The following IFT122 variants were observed in gnomAD, a reference collection of about 807,000 sequenced individuals.
IFT122 encodes the protein intraflagellar transport 122.
In IFT122, 118 loss-of-function variants were observed where a neutral mutation model predicts 161.6. That is an observed-to-expected ratio of 0.73 (90% CI 0.63 to 0.85). The LOEUF (loss-of-function observed/expected upper bound fraction) is 0.85, where lower values mean the gene tolerates loss of function less well. Among genes scored for constraint, IFT122 ranks in the 40% least tolerant of loss-of-function variants. The probability of loss-of-function intolerance (pLI) is 0.00; values close to 1 mark genes in which losing one functional copy is unlikely to be tolerated. For missense variants in IFT122, 1,381 were observed against 1,579.6 expected (o/e 0.87, Z 2.13); for synonymous variants, 550 against 602.4 (o/e 0.91, Z 1.27).
At chr3:129,443,888 A>G (rs952082660) in intron 1 of IFT122, among the ~76,000 whole-genome samples, 2 of 152,252 alleles carry the variant, frequency 1.3e-5, no homozygotes, top group African/African-American at 4.8e-5. Flanking sequence ...CAAATGAGAC[A>G]TTCAGAAATG....
At chr3:129,444,626 A>G (rs956462384) in intron 1 of IFT122, among the ~76,000 whole-genome samples, 7 of 151,784 alleles carry the variant, frequency 4.6e-5, no homozygotes, top group African/African-American at 1.7e-4. Context: ...GGTTCAAGCC[A>G]TTCTCCTGCC....
At chr3:129,505,447 T>C (rs1185445448) in intron 21 of IFT122, among the ~76,000 whole-genome samples, 3 of 152,222 alleles carry the variant, frequency 2.0e-5, no homozygotes, top group African/African-American at 4.8e-5. Context: ...CTTCAGCATT[T>C]CCAGAGCACC....
At position 129,520,386 on chromosome 3, in the gene IFT122, G is replaced by T. The variant is rs536919948; in HGVS notation, c.*121G>T. On this transcript the variant is annotated 3_prime_UTR_variant, in exon 30 of 30. Coordinates refer to ENST00000348417, the MANE Select transcript of IFT122 (RefSeq NM_052989.3). ...TGCCCAGATGAAGTTTGTGTTTTGT[G>T]GGGGGGGCCTTGTGTAACCACGGAA... 257 of 814,160 alleles carry T rather than the reference G, an allele frequency of 3.2e-4. No homozygotes were observed. Among genetic ancestry groups the T allele is most frequent in the African/African-American group, 5.1e-4 (30 of 59,190 alleles). 50.4% of individuals were successfully genotyped at this position (814,160 alleles called of 1,614,324 possible). A position where few individuals can be genotyped will look rare whatever the true frequency, so the allele number is the denominator to read the frequency against.
intron 17 of IFT122, among the ~76,000 whole-genome samples, chr3:129,492,974 C>A (rs865780750): frequency 6.6e-6 from 1 of 151,866 alleles, no homozygotes. Context: ...TGTGCCACCC[C>A]GCCTGATTAA....
chr3:129,480,525 C>T (rs1465944429), intron 13 of IFT122, among the ~76,000 whole-genome samples: 1 of 152,238 alleles, frequency 6.6e-6, no homozygotes, highest in Non-Finnish European at 1.5e-5. Context: ...CTGCATTAGC[C>T]TGACAGCCAA....
intron 15 of IFT122, among the ~76,000 whole-genome samples, chr3:129,485,001 AC>A (rs2079106334): frequency 6.7e-6 from 1 of 150,066 alleles, no homozygotes; most frequent in African/African-American, 2.5e-5. Context: ...TACAGCCAGC[AC>A]CCCTCCCTCC....
intron 3 of IFT122, 75 bp downstream of exon 3, chr3:129,452,073 A>G: frequency 8.7e-7 from 1 of 1,144,080 alleles, no homozygotes; most frequent in Non-Finnish European, 1.3e-6. Context: ...GTCACTTTTT[A>G]ATTATTTCTA....
chr3:129,483,382 T>C, intron 14 of IFT122, 103 bp from the exon 15 acceptor site: 1 of 962,290 alleles, frequency 1.0e-6, no homozygotes, highest in Middle Eastern at 2.1e-4. Context: ...CTGTAAGCAA[T>C]TTAGTGGGAT....
chr3:129,449,024 C>T (rs1410049959), intron 1 of IFT122, among the ~76,000 whole-genome samples: 3 of 152,178 alleles, frequency 2.0e-5, no homozygotes, highest in African/African-American at 7.2e-5. Context: ...ATGTTTGCAG[C>T]TCGATTTTTC....
At position 129,488,433 on chromosome 3, in the gene IFT122, C is replaced by T. The variant is rs768821659; in HGVS notation, c.1992+36C>T. Reference sequence around the variant, plus strand: ...AGCCAGCAGGAGCTGGAGTTTGGTCCTTGTGGGGTCCCTTAAGAAGGCAGA... The same window carrying T: ...AGCCAGCAGGAGCTGGAGTTTGGTCTTTGTGGGGTCCCTTAAGAAGGCAGA... On this transcript the variant is annotated intron_variant, in intron 16 of 29. Coordinates refer to ENST00000348417, the MANE Select transcript of IFT122 (RefSeq NM_052989.3). 4.3e-6 allele frequency: 7 copies of T among 1,613,722 alleles called. No individual in the cohort carries two copies. In the South Asian group the frequency reaches 4.4e-5, roughly 10 times the overall value.
In IFT122 at chr3:129,519,190, AGGGTGCCTCTCTGGGTGACCTGCAGGAG is replaced by A. The variant is rs762356612; in HGVS notation, c.3471+7_3471+34del. ...CACAGCTAAGCTGAGCTTTGAGGTGAGGGTGCCTCTCTGGGTGACCTGCAGGAGGGCAGCCTCCATCCCTTCTCCTGTG... is the reference window on the plus strand; with the variant it reads ...CACAGCTAAGCTGAGCTTTGAGGTGAGGCAGCCTCCATCCCTTCTCCTGTG... On this transcript the variant is annotated splice_donor_5th_base_variant and intron_variant, in intron 28 of 29. Transcript: ENST00000348417. The A allele has an allele frequency of 2.2e-5, 35 of 1,613,494 alleles. No individual in the cohort carries two copies. In the South Asian group the frequency reaches 3.7e-4, roughly 17 times the overall value.
At chr3:129,507,053 G>A (rs1318414370) in intron 22 of IFT122, among the ~76,000 whole-genome samples, 1 of 152,166 alleles carries the variant, frequency 6.6e-6, no homozygotes, top group Admixed American at 6.5e-5. Context: ...ATGCAGGGGT[G>A]GGAAAAACAC....
chr3:129,469,501 TATC>T, intron 9 of IFT122, 84 bp downstream of exon 9: 1 of 1,072,718 alleles, frequency 9.3e-7, no homozygotes, highest in Non-Finnish European at 1.4e-6. Flanking sequence ...AATTATACAT[TATC>T]ATTGTTAGTT....
intron 1 of IFT122, among the ~76,000 whole-genome samples, chr3:129,447,152 T>G (rs2074110420): frequency 6.6e-6 from 1 of 152,170 alleles, no homozygotes; most frequent in Non-Finnish European, 1.5e-5. Flanking sequence ...CTGCAAAATA[T>G]TTTAAGAGAT....
Position 129,478,145 on chromosome 3 carries a change from T to C in IFT122, c.1277T>C (p.Val426Ala), listed in dbSNP as rs1171004296. Reference sequence around the variant, plus strand: ...GACTTATCAGACATGCATTACCGGGTAAAGGAGAAGATTATCAAGAAGTTT... The same window carrying C: ...GACTTATCAGACATGCATTACCGGGCAAAGGAGAAGATTATCAAGAAGTTT... Reference protein sequence around the residue: ...SEDLSDMHYRVKEKIIKKFEC... With the variant: ...SEDLSDMHYRAKEKIIKKFEC... Residue 426 changes from valine (V) to alanine (A), a missense_variant, in exon 12 of 30, where the codon GTA (valine) becomes GCA (alanine). By Grantham distance (64) the Val-to-Ala change is moderately conservative. This residue lies in a region of IFT122 where 544 missense variants were observed against 648.0 expected (regional missense o/e 0.84). Coordinates refer to ENST00000348417, the MANE Select transcript of IFT122 (RefSeq NM_052989.3). 3.7e-6 allele frequency: 6 copies of C among 1,614,134 alleles called. No homozygotes were observed. The South Asian group carries it at 6.6e-5, about 18-fold the overall frequency.
chr3:129,500,414 A>G (rs1427309654), intron 19 of IFT122, among the ~76,000 whole-genome samples: 1 of 152,254 alleles, frequency 6.6e-6, no homozygotes, highest in Non-Finnish European at 1.5e-5. Context: ...CACCTTGCAG[A>G]TGATGAAACA....
intron 4 of IFT122, among the ~76,000 whole-genome samples, chr3:129,460,223 C>T (rs1000683822): frequency 2.0e-5 from 3 of 152,184 alleles, no homozygotes; most frequent in African/African-American, 7.2e-5. Flanking sequence ...ACCCTTCTCT[C>T]CTACCCCCAG....
chr3:129,519,036 G>A (rs1051951055), intron 27 of IFT122, 71 bp from the exon 28 acceptor site: 1 of 1,306,998 alleles, frequency 7.7e-7, no homozygotes, highest in East Asian at 2.3e-5. Context: ...CTTCTCACAG[G>A]GGTGTAGGGT....
Position 129,517,060 on chromosome 3 carries a change from C to CACACAG in IFT122, c.3266-408_3266-407insCACAGA, listed in dbSNP as rs1553776138. On this transcript the variant is annotated intron_variant, in intron 26 of 29. Transcript: ENST00000348417. The stretch of plus-strand genomic sequence containing the variant: ...TCCTGCACACACACACACACACACA[C>CACACAG]AGACTGCCCCTGCACACACACACAG... Among the ~76,000 whole-genome samples the CACACAG allele has an allele frequency of 3.4e-4, 39 of 116,176 alleles. 1 individual carries two copies. The East Asian group carries it at 9.2e-3, about 27-fold the overall frequency. 76.2% of individuals were successfully genotyped at this position (116,176 alleles called of 152,430 possible). A position where few individuals can be genotyped will look rare whatever the true frequency, so the allele number is the denominator to read the frequency against.
Sources: gnomAD v4.1 joint callset for allele counts (sites outside exome capture counted in the v4.1 genomes callset) on GRCh38, gnomAD v4.1.1 for gene constraint, gnomAD v4.1.1 regional missense constraint, MANE v1.5 for transcripts, NCBI Gene and HGNC (gene_info 2026-07-23, HGNC 2026-07-21) for gene names.